The following GABRG3 variants were observed in gnomAD, a reference collection of about 807,000 sequenced individuals.
GABRG3 encodes gamma-aminobutyric acid type A receptor subunit gamma3.
Under a neutral mutation model 48.8 loss-of-function variants are expected in GABRG3, and 25 were observed. The observed-to-expected ratio is 0.51, with a 90% CI of 0.37 to 0.72. The LOEUF is 0.72. GABRG3 is among the 30% of genes least tolerant of loss of function. GABRG3 has a pLI of 0.00. For missense variants in GABRG3, 394 were observed against 577.9 expected (o/e 0.68, Z 3.26); for synonymous variants, 227 against 217.6 (o/e 1.04, Z -0.38).
intron 3 of GABRG3, among the ~76,000 whole-genome samples, chr15:27,288,303 A>C (rs1022669033): frequency 6.6e-6 from 1 of 152,062 alleles, no homozygotes; most frequent in African/African-American, 2.4e-5. Context: ...TTCATTGTGT[A>C]CTTTATTTCT....
intron 3 of GABRG3, among the ~76,000 whole-genome samples, chr15:27,202,868 C>T (rs943167957): frequency 4.6e-5 from 7 of 152,014 alleles, no homozygotes; most frequent in Non-Finnish European, 8.8e-5. Context: ...TATGATCATA[C>T]AAAATTTTTA....
chr15:27,144,782 A>G (rs1311464208), intron 3 of GABRG3, among the ~76,000 whole-genome samples: 1 of 152,230 alleles, frequency 6.6e-6, no homozygotes, highest in African/African-American at 2.4e-5. Flanking sequence ...TTAATAAAGA[A>G]TTGTAACATA....
rs140597252 is a variant in GABRG3, at chr15:27,378,502, C to A, written c.574+49614C>A. 4.1e-3 allele frequency among the ~76,000 whole-genome samples: 621 copies of A among 152,226 alleles called. 2 individuals carry two copies. The highest frequency in any genetic ancestry group is 0.014 in the African/African-American group (595 of 41,526). Reference sequence around the variant, plus strand: ...ACAAATTTACCCACTGAGAATAAATCGGATTTGAGTAAGTGAAGGCATTTT... The same window carrying A: ...ACAAATTTACCCACTGAGAATAAATAGGATTTGAGTAAGTGAAGGCATTTT... On this transcript the variant is annotated intron_variant, in intron 5 of 9. Coordinates refer to ENST00000615808, the MANE Select transcript of GABRG3 (RefSeq NM_033223.5).
chr15:27,491,768 A>G (rs1380291651), intron 6 of GABRG3, among the ~76,000 whole-genome samples: 1 of 152,230 alleles, frequency 6.6e-6, no homozygotes, highest in Non-Finnish European at 1.5e-5. Context: ...AAACCGACAA[A>G]CAAAAAGGAG....
chr15:27,091,066 G>T (rs1044907746), intron 3 of GABRG3, among the ~76,000 whole-genome samples: 1 of 152,128 alleles, frequency 6.6e-6, no homozygotes, highest in Non-Finnish European at 1.5e-5. Context: ...TACTTGTCTC[G>T]TTCCTGTTCT....
At chr15:27,488,562 A>G (rs1375111325) in intron 6 of GABRG3, among the ~76,000 whole-genome samples, 1 of 152,172 alleles carries the variant, frequency 6.6e-6, no homozygotes, top group African/African-American at 2.4e-5. Context: ...GCAGACAGCA[A>G]TCATTGTCTG....
At chr15:27,003,533 C>T (rs1387672969) in intron 2 of GABRG3, among the ~76,000 whole-genome samples, 56 of 152,062 alleles carry the variant, frequency 3.7e-4, no homozygotes, top group African/African-American at 9.4e-4. Flanking sequence ...GAGCACAGGG[C>T]TGGGGGTAAG....
intron 6 of GABRG3, among the ~76,000 whole-genome samples, chr15:27,505,028 C>T (rs1243655025): frequency 2.6e-5 from 4 of 152,178 alleles, no homozygotes; most frequent in African/African-American, 9.6e-5. Context: ...TCTATTCAGA[C>T]TTGACCAGTT....
chr15:27,387,803 A>G (rs1255213198), intron 5 of GABRG3, among the ~76,000 whole-genome samples: 2 of 88,344 alleles, frequency 2.3e-5, no homozygotes, highest in African/African-American at 5.4e-5. Context: ...CTGAGAAAGA[A>G]GGAGGGAGGG....
intron 5 of GABRG3, among the ~76,000 whole-genome samples, chr15:27,338,955 C>G (rs1338202286): frequency 6.6e-6 from 1 of 152,194 alleles, no homozygotes; most frequent in South Asian, 2.1e-4. Flanking sequence ...AGGTCAAAAT[C>G]TCCTTGTCTT....
At chr15:27,038,962 G>A (rs1002367656) in intron 3 of GABRG3, among the ~76,000 whole-genome samples, 1 of 152,190 alleles carries the variant, frequency 6.6e-6, no homozygotes, top group Admixed American at 6.5e-5. Flanking sequence ...GAAAAGCAGA[G>A]CCAGCAGAAA....
chr15:27,004,621 A>C (rs1002096879), intron 2 of GABRG3, among the ~76,000 whole-genome samples: 1 of 152,192 alleles, frequency 6.6e-6, no homozygotes, highest in East Asian at 1.9e-4. Flanking sequence ...GGTTGTAGCC[A>C]GCCGAGATCA....
At chr15:27,466,287 C>T (rs550771264) in intron 5 of GABRG3, among the ~76,000 whole-genome samples, 1 of 152,188 alleles carries the variant, frequency 6.6e-6, no homozygotes, top group Non-Finnish European at 1.5e-5. Flanking sequence ...GAGCCTCCTA[C>T]CCCCAACAGT....
At chr15:27,321,870 T>G (rs1370132941) in intron 3 of GABRG3, among the ~76,000 whole-genome samples, 1 of 152,280 alleles carries the variant, frequency 6.6e-6, no homozygotes, top group African/African-American at 2.4e-5. Flanking sequence ...ACTTTTCTTC[T>G]GTTTTCTTAA....
At chr15:27,316,870 G>A (rs935630443) in intron 3 of GABRG3, among the ~76,000 whole-genome samples, 5 of 151,648 alleles carry the variant, frequency 3.3e-5, no homozygotes, top group Non-Finnish European at 7.4e-5. Context: ...CAAATTAAAT[G>A]CTCTTCTTAA....
chr15:27,497,857 A>G (rs1486782222), intron 6 of GABRG3, among the ~76,000 whole-genome samples: 1 of 152,106 alleles, frequency 6.6e-6, no homozygotes. Flanking sequence ...GATTTCTTCC[A>G]GGTCCATCAT....
intron 3 of GABRG3, among the ~76,000 whole-genome samples, chr15:27,211,102 AATGAGGAAAC>A (rs774196564): frequency 2.0e-4 from 31 of 152,172 alleles, no homozygotes; most frequent in Non-Finnish European, 4.1e-4. Context: ...GGAATGAACC[AATGAGGAAAC>A]ACCGCTGCTT....
chr15:27,281,350 CT>C (rs1212103242), intron 3 of GABRG3, among the ~76,000 whole-genome samples: 1 of 151,948 alleles, frequency 6.6e-6, no homozygotes, highest in African/African-American at 2.4e-5. Context: ...TTTTTCCCAC[CT>C]TTGCCTGTTT....
At chr15:27,211,954 G>A (rs1210575467) in intron 3 of GABRG3, among the ~76,000 whole-genome samples, 1 of 152,154 alleles carries the variant, frequency 6.6e-6, no homozygotes, top group East Asian at 1.9e-4. Flanking sequence ...TCACTCGAGG[G>A]TCATCTGTAA....
Sources: allele counts gnomAD v4.1 joint callset (sites outside exome capture counted in the v4.1 genomes callset), GRCh38; gene constraint gnomAD v4.1.1; transcripts MANE v1.5; gene names NCBI Gene and HGNC (gene_info 2026-07-23, HGNC 2026-07-21).